TRAPPC9: variants seen among roughly 807,000 people sequenced by gnomAD.
TRAPPC9 encodes the protein IKK2 binding protein.
TRAPPC9 carries 83 observed loss-of-function variants against 124.0 expected under a neutral mutation model. The ratio of observed to expected loss-of-function variants is 0.67; its 90% CI spans 0.56 to 0.80. The LOEUF (loss-of-function observed/expected upper bound fraction) is 0.80, where lower values mean the gene tolerates loss of function less well. Among genes scored for constraint, TRAPPC9 ranks in the 30% least tolerant of loss-of-function variants. TRAPPC9 has a pLI of 0.00. For synonymous variants in TRAPPC9, 638 were observed against 617.5 expected (o/e 1.03, Z -0.49); for missense variants, 1,302 against 1,508.3 (o/e 0.86, Z 2.27).
intron 14 of TRAPPC9, among the ~76,000 whole-genome samples, chr8:140,283,294 C>CCT (rs1554660339): frequency 2.1e-5 from 2 of 97,228 alleles, no homozygotes; most frequent in Non-Finnish European, 3.7e-5. Flanking sequence ...ATTAAAATTC[C>CCT]TTTTTTTTTT....
rs537090248 is a variant in TRAPPC9, at chr8:139,758,105, T to G, written c.3056-25903A>C. Among the ~76,000 whole-genome samples the G allele has an allele frequency of 2.0e-5, 3 of 152,314 alleles. No individual in the cohort carries two copies. In the South Asian group the frequency reaches 6.2e-4, roughly 32 times the overall value. On this transcript the variant is annotated intron_variant, in intron 21 of 22. Coordinates refer to ENST00000438773, the MANE Select transcript of TRAPPC9 (RefSeq NM_001160372.4). ...AAAAACAAATTAATCTTTGTCTTCT[T>G]CCACTTGGAAGGGAATCCCGTGACA...
In TRAPPC9 at chr8:139,765,967, C is replaced by T. The variant is rs145922068; in HGVS notation, c.3056-33765G>A. ...ACGCTGCTGGGGCTGCCTTGAAGGG[C>T]GCAGGTGTGGCCCTGAAGCTTTATC... On this transcript the variant is annotated intron_variant, in intron 21 of 22. Coordinates refer to ENST00000438773, the MANE Select transcript of TRAPPC9 (RefSeq NM_001160372.4). Among the ~76,000 whole-genome samples the T allele has an allele frequency of 7.2e-5, 11 of 152,332 alleles. No homozygotes were observed. In the East Asian group the frequency reaches 1.3e-3, roughly 19 times the overall value.
intron 21 of TRAPPC9, among the ~76,000 whole-genome samples, chr8:139,738,108 T>C (rs908863980): frequency 6.6e-6 from 1 of 152,150 alleles, no homozygotes; most frequent in Non-Finnish European, 1.5e-5. Context: ...CCAGGGCCTC[T>C]GGGGATGTTG....
intron 18 of TRAPPC9, among the ~76,000 whole-genome samples, chr8:140,005,636 T>C (rs779250567): frequency 1.2e-4 from 19 of 152,062 alleles, no homozygotes; most frequent in Non-Finnish European, 2.8e-4. Context: ...ACGTGGGTTT[T>C]GGGAAGACAA....
In TRAPPC9 at chr8:140,125,043, T is replaced by C. The variant is rs148928802; in HGVS notation, c.2556+96416A>G. On this transcript the variant is annotated intron_variant, in intron 17 of 22. Transcript: ENST00000438773. ...GCCTCAGATAAAACCCGGACACTGC[T>C]CTTCACATTCTTCAAAGAGAGATGG... Among the ~76,000 whole-genome samples, 572 of 152,284 alleles carry C rather than the reference T, an allele frequency of 3.8e-3. 6 individuals carry two copies. Among genetic ancestry groups the C allele is most frequent in the African/African-American group, 0.013 (548 of 41,554 alleles).
intron 17 of TRAPPC9, among the ~76,000 whole-genome samples, chr8:140,078,032 C>A (rs750381469): frequency 6.6e-6 from 1 of 152,128 alleles, no homozygotes; most frequent in Non-Finnish European, 1.5e-5. Context: ...CTAGTAGAAA[C>A]ACTGCAAGGC....
At chr8:139,804,370 T>C (rs938062847) in intron 21 of TRAPPC9, among the ~76,000 whole-genome samples, 272 of 7,346 alleles carry the variant, frequency 0.037, no homozygotes, top group Admixed American at 0.062. Context: ...CCACCACCAC[T>C]CACCACCACC....
At chr8:140,064,483 C>T (rs1030356513) in intron 17 of TRAPPC9, among the ~76,000 whole-genome samples, 13 of 152,132 alleles carry the variant, frequency 8.5e-5, no homozygotes, top group South Asian at 2.1e-4. Flanking sequence ...TGATAGCACA[C>T]GTTGCATGCC....
chr8:139,965,317 T>C (rs181827488), intron 19 of TRAPPC9, among the ~76,000 whole-genome samples: 2 of 152,324 alleles, frequency 1.3e-5, no homozygotes, highest in Admixed American at 1.3e-4. Flanking sequence ...TGGGAGATTC[T>C]CCCCGCATGA....
chr8:140,026,683 C>T (rs1197308743), intron 17 of TRAPPC9, among the ~76,000 whole-genome samples: 2 of 152,160 alleles, frequency 1.3e-5, no homozygotes, highest in African/African-American at 2.4e-5. Context: ...TAAAAGCTCA[C>T]TATTCCAAAT....
intron 1 of TRAPPC9, among the ~76,000 whole-genome samples, chr8:140,453,219 T>C (rs1322081471): frequency 6.6e-6 from 1 of 152,172 alleles, no homozygotes; most frequent in Non-Finnish European, 1.5e-5. Context: ...GATTTGGCCA[T>C]GGTCCCCATG....
rs768835170 is a variant in TRAPPC9, at chr8:140,405,580, G to C, written c.1005C>G (p.Ser335Arg). 29 of 1,614,042 alleles carry C rather than the reference G, an allele frequency of 1.8e-5. No individual in the cohort carries two copies. Among genetic ancestry groups the C allele is most frequent in the Non-Finnish European group, 2.1e-5 (25 of 1,179,984 alleles). The part of the protein sequence containing the change: ...DKYKEAISYY[S>R]KYKNAGVIEL... ...AATCACAAAGCCATAAAATCACCTTGCTGTAATAGGAAATCGCCTCTTTAT... is the reference window on the plus strand; with the variant it reads ...AATCACAAAGCCATAAAATCACCTTCCTGTAATAGGAAATCGCCTCTTTAT... Residue 335 changes from serine (S) to arginine (R), a missense_variant, in exon 6 of 23, where the codon AGC becomes AGG. Physicochemically the swap from Ser to Arg is moderately radical, Grantham distance 110 (BLOSUM62 -1). This residue lies in a region of TRAPPC9 where 657 missense variants were observed against 811.2 expected (regional missense o/e 0.81). Transcript: ENST00000438773.
intron 21 of TRAPPC9, among the ~76,000 whole-genome samples, chr8:139,847,029 C>T (rs539563283): frequency 6.6e-6 from 1 of 152,224 alleles, no homozygotes; most frequent in South Asian, 2.1e-4. Flanking sequence ...GACTGTGTGC[C>T]GAGATCTGGG....
In TRAPPC9 at chr8:140,321,354, G is replaced by A. The variant is rs143559884; in HGVS notation, c.1496-9980C>T. ...CCCTCGCTTGTTCCCATTCAGCTCC[G>A]CAGGACGGAAGGCTGCCAGGTCCAT... On this transcript the variant is annotated intron_variant, in intron 9 of 22. Coordinates refer to ENST00000438773, the MANE Select transcript of TRAPPC9 (RefSeq NM_001160372.4). 5.3e-5 allele frequency among the ~76,000 whole-genome samples: 8 copies of A among 152,328 alleles called. No homozygotes were observed. In the East Asian group the frequency reaches 1.5e-3, roughly 29 times the overall value.
chr8:139,828,488 T>C (rs1456503168), intron 21 of TRAPPC9, among the ~76,000 whole-genome samples: 2 of 152,204 alleles, frequency 1.3e-5, no homozygotes, highest in Non-Finnish European at 2.9e-5. Flanking sequence ...TCACATTTTC[T>C]ACCAAGTGGT....
chr8:139,938,031 T>C (rs1833647668), intron 19 of TRAPPC9, among the ~76,000 whole-genome samples: 1 of 152,218 alleles, frequency 6.6e-6, no homozygotes, highest in South Asian at 2.1e-4. Flanking sequence ...TTTGGGTGTC[T>C]GGCTTAATAC....
intron 18 of TRAPPC9, among the ~76,000 whole-genome samples, chr8:139,992,195 C>T (rs1392767876): frequency 6.6e-6 from 1 of 152,044 alleles, no homozygotes; most frequent in African/African-American, 2.4e-5. Context: ...CAGTCCACAA[C>T]ACAGGTAGAA....
intron 21 of TRAPPC9, among the ~76,000 whole-genome samples, chr8:139,754,864 G>A (rs1030254520): frequency 6.6e-6 from 1 of 152,226 alleles, no homozygotes; most frequent in African/African-American, 2.4e-5. Flanking sequence ...ACCACTTACT[G>A]AGTGACTTTC....
rs191983135 is a variant in TRAPPC9, at chr8:139,785,029, C to T, written c.3056-52827G>A. 2.9e-3 allele frequency among the ~76,000 whole-genome samples: 440 copies of T among 152,236 alleles called. 3 individuals are homozygous for T. The highest frequency in any genetic ancestry group is 9.1e-3 in the African/African-American group (379 of 41,526). ...AATATTACCTGACTTTAGGAGTTTT[C>T]GCACAACAGCAATAATTAAGACTGC... On this transcript the variant is annotated intron_variant, in intron 21 of 22. Coordinates refer to ENST00000438773, the MANE Select transcript of TRAPPC9 (RefSeq NM_001160372.4).
Sources: gnomAD v4.1 joint callset for allele counts (sites outside exome capture counted in the v4.1 genomes callset) on GRCh38, gnomAD v4.1.1 for gene constraint, gnomAD v4.1.1 regional missense constraint, MANE v1.5 for transcripts, NCBI Gene and HGNC (gene_info 2026-07-23, HGNC 2026-07-21) for gene names.